Variants in ITGA9 observed in about 807,000 individuals in gnomAD.
The protein encoded by ITGA9 is integrin subunit alpha 9, also known as integrin alpha-9.
ITGA9 carries 56 observed loss-of-function variants against 127.8 expected under a neutral mutation model. The ratio of observed to expected loss-of-function variants is 0.44; its 90% CI spans 0.35 to 0.55. The LOEUF (loss-of-function observed/expected upper bound fraction) is 0.55, where lower values mean the gene tolerates loss of function less well. Ranked by LOEUF, ITGA9 falls within the 20% of genes least tolerant of loss-of-function variation. ITGA9 has a pLI of 0.00. For missense variants in ITGA9, 1,196 were observed against 1,347.1 expected (o/e 0.89, Z 1.76); for synonymous variants, 508 against 514.5 (o/e 0.99, Z 0.17).
In ITGA9 at chr3:37,648,480, A is replaced by G. The variant is rs567739123; in HGVS notation, c.1840-5234A>G. Among the ~76,000 whole-genome samples, 12 of 152,246 alleles carry G rather than the reference A, an allele frequency of 7.9e-5. No homozygotes were observed. In the South Asian group the frequency reaches 1.2e-3, roughly 16 times the overall value. The stretch of plus-strand genomic sequence containing the variant: ...CTTTACAAAAAATAAACAGAAAATT[A>G]TCCAGGCATGGTGGCATGTGGCTGT... On this transcript the variant is annotated intron_variant, in intron 16 of 27. Coordinates refer to ENST00000264741, the MANE Select transcript of ITGA9 (RefSeq NM_002207.3).
At chr3:37,718,567 T>G (rs933327516) in intron 18 of ITGA9, among the ~76,000 whole-genome samples, 1 of 152,192 alleles carries the variant, frequency 6.6e-6, no homozygotes, top group Admixed American at 6.5e-5. Flanking sequence ...CAAAGGCTAG[T>G]GTAGAACACT....
chr3:37,511,403 A>G (rs1698903193), intron 8 of ITGA9, among the ~76,000 whole-genome samples: 1 of 152,244 alleles, frequency 6.6e-6, no homozygotes, highest in Non-Finnish European at 1.5e-5. Flanking sequence ...TTAACGGAGT[A>G]TGTGAAGCAT....
intron 18 of ITGA9, among the ~76,000 whole-genome samples, chr3:37,710,042 T>C (rs1017513078): frequency 3.3e-5 from 5 of 152,108 alleles, no homozygotes; most frequent in African/African-American, 4.8e-5. Flanking sequence ...GCAAACCAAG[T>C]TGAGTGTTGT....
chr3:37,772,520 A>C (rs1696857027), intron 23 of ITGA9, among the ~76,000 whole-genome samples: 1 of 151,882 alleles, frequency 6.6e-6, no homozygotes, highest in Non-Finnish European at 1.5e-5. Context: ...AGTAAGGGCC[A>C]TGCAAGTGTT....
At chr3:37,481,051 C>T (rs1698546683) in intron 3 of ITGA9, among the ~76,000 whole-genome samples, 1 of 152,186 alleles carries the variant, frequency 6.6e-6, no homozygotes. Flanking sequence ...TCACTCCAGA[C>T]CGGCCTTTCT....
intron 18 of ITGA9, among the ~76,000 whole-genome samples, chr3:37,693,784 C>CCT (rs368182543): frequency 2.0e-5 from 3 of 152,180 alleles, no homozygotes; most frequent in Non-Finnish European, 2.9e-5. Context: ...CAGAAGTGAG[C>CCT]CTCATCCCTC....
intron 23 of ITGA9, among the ~76,000 whole-genome samples, chr3:37,771,206 C>T (rs1373381458): frequency 6.6e-6 from 1 of 152,130 alleles, no homozygotes; most frequent in East Asian, 1.9e-4. Flanking sequence ...CCTTAGCCAG[C>T]CAAGGAAATG....
intron 25 of ITGA9, among the ~76,000 whole-genome samples, chr3:37,782,899 G>A (rs971624766): frequency 9.2e-5 from 14 of 152,186 alleles, no homozygotes; most frequent in Admixed American, 6.5e-5. Flanking sequence ...CAGCACTTTG[G>A]GAGGCTGAGG....
chr3:37,454,833 T>G (rs1698239318), intron 1 of ITGA9, among the ~76,000 whole-genome samples: 1 of 152,184 alleles, frequency 6.6e-6, no homozygotes, highest in African/African-American at 2.4e-5. Context: ...GTCTTAGACC[T>G]TGAATGTATT....
At chr3:37,481,672 C>T (rs1698557210) in intron 4 of ITGA9, 65 bp downstream of exon 4, 7 of 1,582,998 alleles carry the variant, frequency 4.4e-6, no homozygotes, top group Admixed American at 3.3e-5. Flanking sequence ...GCCTTCCCAC[C>T]TCTATGCACC....
intron 13 of ITGA9, among the ~76,000 whole-genome samples, chr3:37,530,925 G>A (rs1333999969): frequency 6.6e-6 from 1 of 151,410 alleles, no homozygotes; most frequent in Non-Finnish European, 1.5e-5. Context: ...CTAATTTTTT[G>A]TATTTTTAGT....
intron 24 of ITGA9, among the ~76,000 whole-genome samples, chr3:37,778,082 A>G (rs946296842): frequency 3.9e-5 from 6 of 152,374 alleles, no homozygotes; most frequent in Middle Eastern, 3.4e-3. Flanking sequence ...CTGCTAATGA[A>G]TGAATCTCAC....
At position 37,806,821 on chromosome 3, in the gene ITGA9, C is replaced by G. The variant is rs978111432; in HGVS notation, c.3009+2879C>G. The G allele has an allele frequency of 2.0e-5, 3 of 152,290 alleles. No individual in the cohort carries two copies. The highest frequency in any genetic ancestry group is 4.4e-5 in the Non-Finnish European group (3 of 68,098). 9.4% of individuals were successfully genotyped at this position (152,290 alleles called of 1,614,324 possible). A position where few individuals can be genotyped will look rare whatever the true frequency, so the allele number is the denominator to read the frequency against. ...AATGAGGCCACCTGGGTCACAACAG[C>G]TTTGCTAGTCAACCCAGAGCAGTAT... On this transcript the variant is annotated intron_variant, in intron 27 of 27. Transcript: ENST00000264741. The surrounding 1 kb of genome is among the most constrained non-coding windows in gnomAD (Gnocchi z 4.3).
At chr3:37,538,939 C>A (rs1023920375) in intron 14 of ITGA9, among the ~76,000 whole-genome samples, 2 of 152,286 alleles carry the variant, frequency 1.3e-5, no homozygotes, top group African/African-American at 4.8e-5. Flanking sequence ...TTGGATAATG[C>A]GGTATGTCTG....
intron 23 of ITGA9, among the ~76,000 whole-genome samples, chr3:37,764,568 C>G (rs1307772386): frequency 6.7e-6 from 1 of 150,200 alleles, no homozygotes; most frequent in Non-Finnish European, 1.5e-5. Flanking sequence ...AGGCCATTTT[C>G]TCCAATAGCC....
At chr3:37,686,894 C>T (rs561379022) in intron 18 of ITGA9, among the ~76,000 whole-genome samples, 9 of 152,234 alleles carry the variant, frequency 5.9e-5, no homozygotes, top group South Asian at 2.1e-4. Flanking sequence ...CACCCAGCAC[C>T]GGGTAGGATT....
intron 15 of ITGA9, among the ~76,000 whole-genome samples, chr3:37,584,757 ATAATAATAATATTATTAT>A (rs1263953621): frequency 6.6e-6 from 1 of 152,110 alleles, no homozygotes; most frequent in Non-Finnish European, 1.5e-5. Context: ...TCCATCTCAA[ATAATAATAATATTATTAT>A]TAATAATAAT....
intron 3 of ITGA9, among the ~76,000 whole-genome samples, chr3:37,479,059 C>G (rs986611464): frequency 6.6e-6 from 1 of 152,156 alleles, no homozygotes; most frequent in African/African-American, 2.4e-5. Flanking sequence ...ACATGGTCAA[C>G]CCTTGAAGCC....
At chr3:37,672,415 C>T (rs888342381) in intron 17 of ITGA9, among the ~76,000 whole-genome samples, 6 of 152,188 alleles carry the variant, frequency 3.9e-5, no homozygotes, top group East Asian at 1.9e-4. Flanking sequence ...CCATGTAAGA[C>T]GTGACTTTGC....
Sources: gnomAD v4.1 joint callset for allele counts (sites outside exome capture counted in the v4.1 genomes callset) on GRCh38, gnomAD v4.1.1 for gene constraint, Gnocchi (gnomAD v3.1) non-coding constraint, MANE v1.5 for transcripts, NCBI Gene and HGNC (gene_info 2026-07-23, HGNC 2026-07-21) for gene names.